The following ATP1A3 variants were observed in gnomAD, a reference collection of about 807,000 sequenced individuals.
ATP1A3 encodes the protein ATPase Na+/K+ transporting subunit alpha 3.
ATP1A3 carries 12 observed loss-of-function variants against 108.8 expected under a neutral mutation model. The observed-to-expected ratio is 0.11, with a 90% CI of 0.07 to 0.18. The LOEUF (loss-of-function observed/expected upper bound fraction) is 0.18, where lower values mean the gene tolerates loss of function less well. Among genes scored for constraint, ATP1A3 ranks in the 10% least tolerant of loss-of-function variants. ATP1A3 has a pLI of 1.00. For missense variants in ATP1A3, 498 were observed against 1,387.7 expected, an observed-to-expected ratio of 0.36 and a Z score of 10.19; for synonymous variants, 539 against 564.5, an observed-to-expected ratio of 0.95 and a Z score of 0.64.
Position 41,981,815 on chromosome 19 carries a change from C to T in ATP1A3, c.1209G>A (p.Lys403=). The change falls in exon 10 of 23, where the codon AAG becomes AAA. Residue 403 remains lysine, a synonymous_variant. Coordinates refer to ENST00000648268, the MANE Select transcript of ATP1A3 (RefSeq NM_152296.5). The surrounding 1 kb of genome is among the most constrained non-coding windows in gnomAD (Gnocchi z 5.0). ...ACAGGGCCACCCAGGTGTGCGAACT[C>T]TTGTCAAATGAGGTCCCTGGGGGAG... ...TEDQSGTSFD[K]SSHTWVALSH... 6.2e-7 allele frequency: 1 copy of T among 1,614,222 alleles called. No individual in the cohort carries two copies.
At chr19:41,989,781 C>T (rs1555866719) in intron 1 of ATP1A3, among the ~76,000 whole-genome samples, 1 of 152,044 alleles carries the variant, frequency 6.6e-6, no homozygotes, top group African/African-American at 2.4e-5. Flanking sequence ...CTCTGTATCT[C>T]TGTCTTTGCA....
chr19:41,982,129 C>T, intron 8 of ATP1A3, 23 bp from the exon 9 acceptor site: 11 of 1,613,904 alleles, frequency 6.8e-6, no homozygotes, highest in Non-Finnish European at 9.3e-6. Flanking sequence ...CAAGGGCAGG[C>T]AAGTTACAGG....
At chr19:41,971,976 G>A (rs1555860017) in intron 16 of ATP1A3, among the ~76,000 whole-genome samples, 1 of 152,142 alleles carries the variant, frequency 6.6e-6, no homozygotes, top group Admixed American at 6.6e-5. Context: ...CAGGCCAGGC[G>A]CTGGGGCTCA....
Position 41,978,432 on chromosome 19 carries a change from CG to C in ATP1A3, c.1631-107del. The C allele has an allele frequency of 1.4e-6, 2 of 1,480,382 alleles. No individual in the cohort carries two copies. The highest frequency in any genetic ancestry group is 1.8e-6 in the Non-Finnish European group (2 of 1,090,754). The allele number at this position is 1,480,382 out of a possible 1,614,324, so 91.7% of individuals were successfully genotyped here. A position where few individuals can be genotyped will look rare whatever the true frequency, so the allele number is the denominator to read the frequency against. On this transcript the variant is annotated intron_variant, in intron 12 of 22. Coordinates refer to ENST00000648268, the MANE Select transcript of ATP1A3 (RefSeq NM_152296.5). The surrounding 1 kb of genome is among the most constrained non-coding windows in gnomAD (Gnocchi z 8.3). ...GCATTCCATCTCCCCATCAGCAAGACGGCCAGTCAGCATTCATTTCCTAGGA... is the reference window on the plus strand; with the variant it reads ...GCATTCCATCTCCCCATCAGCAAGACGCCAGTCAGCATTCATTTCCTAGGA...
At position 41,993,989 on chromosome 19, in the gene ATP1A3, T is replaced by C; in HGVS notation, c.6+82A>G. The C allele has an allele frequency of 1.9e-6, 3 of 1,584,332 alleles. No individual in the cohort carries two copies. In the Admixed American group the frequency reaches 5.3e-5, roughly 28 times the overall value. On this transcript the variant is annotated intron_variant, in intron 1 of 22. Coordinates refer to ENST00000648268, the MANE Select transcript of ATP1A3 (RefSeq NM_152296.5). ...TGGCCCCGGAGCGCAGGGGTCCCGG[T>C]GCCCCCGCCCCCCGCGCACACCCAA... is the stretch of plus-strand genomic sequence containing the variant.
intron 14 of ATP1A3, 121 bp downstream of exon 14, chr19:41,977,815 C>T: frequency 6.9e-7 from 1 of 1,451,508 alleles, no homozygotes; most frequent in Non-Finnish European, 9.3e-7. Context: ...AGGGCCTGGT[C>T]CATGGAGGAG....
intron 16 of ATP1A3, among the ~76,000 whole-genome samples, chr19:41,972,821 G>GGAAGGAAA (rs2075124848): frequency 7.7e-6 from 1 of 130,090 alleles, no homozygotes; most frequent in Non-Finnish European, 1.6e-5. Flanking sequence ...AAGGAAGGAA[G>GGAAGGAAA]GAAGGAAGGA....
At chr19:41,976,307 G>C in intron 15 of ATP1A3, 109 bp downstream of exon 15, 1 of 1,478,388 alleles carries the variant, frequency 6.8e-7, no homozygotes, top group Non-Finnish European at 9.3e-7. Context: ...AGACCCAGGG[G>C]TCCAGACCCC....
At chr19:41,993,927 T>C (rs2075363730) in intron 1 of ATP1A3, 144 bp downstream of exon 1, 3 of 1,462,614 alleles carry the variant, frequency 2.1e-6, no homozygotes, top group Non-Finnish European at 2.8e-6. Flanking sequence ...ACCACATGGA[T>C]TGGCTGGGTC....
Position 41,994,220 on chromosome 19 carries a change from G to A in ATP1A3, c.-144C>T. On this transcript the variant is annotated 5_prime_UTR_variant, in exon 1 of 23. Coordinates refer to ENST00000648268, the MANE Select transcript of ATP1A3 (RefSeq NM_152296.5). ...CGTCCGTCCGTCCGTTGGTCCCACC[G>A]CACAGAGGCTGCGGCGGCCGCCGCC... The A allele has an allele frequency of 1.3e-6, 1 of 742,890 alleles. No individual in the cohort carries two copies. Among genetic ancestry groups the A allele is most frequent in the Non-Finnish European group, 2.0e-6 (1 of 506,008 alleles). The allele number at this position is 742,890 out of a possible 1,614,324, so 46.0% of individuals were successfully genotyped here. A position where few individuals can be genotyped will look rare whatever the true frequency, so the allele number is the denominator to read the frequency against.
chr19:41,970,102 G>C (rs2075086630), intron 18 of ATP1A3, 83 bp downstream of exon 18: 4 of 1,610,732 alleles, frequency 2.5e-6, no homozygotes, highest in Non-Finnish European at 3.4e-6. Flanking sequence ...GTCAATGCCA[G>C]GGTCCCAAGC....
Position 41,978,588 on chromosome 19 carries a change from C to A in ATP1A3, c.1630+18G>T, listed in dbSNP as rs781999976. ...CTTGCCCTCCAGGGACCCCAGAGCC[C>A]GCCCGGCAGCCTCGCACCAAGCACG... On this transcript the variant is annotated intron_variant, in intron 12 of 22. Transcript: ENST00000648268. This position sits in a 1 kb window ranked among gnomAD's most constrained non-coding sequence, Gnocchi z 8.3. 4 of 1,611,736 alleles carry A rather than the reference C, an allele frequency of 2.5e-6. No homozygotes were observed. The highest frequency in any genetic ancestry group is 1.1e-5 in the South Asian group (1 of 91,046).
At chr19:41,972,804 G>GGGAAGGAAGGAAGGAAGGAAGGAA (rs782125486) in intron 16 of ATP1A3, among the ~76,000 whole-genome samples, 6 of 74,872 alleles carry the variant, frequency 8.0e-5, no homozygotes, top group Non-Finnish European at 1.6e-4. Flanking sequence ...AGGAAGGAAG[G>GGGAAGGAAGGAAGGAAGGAAGGAA]GGAAGGAAGG....
rs782204932 is a variant in ATP1A3 at position 41,967,251 on chromosome 19, C to G, written c.3011G>C (p.Gly1004Ala). The change falls in exon 22 of 23, where the codon GGG (glycine) becomes GCG (alanine). Residue 1004 changes from glycine (G) to alanine (A), a missense_variant and splice_region_variant. Around this residue, in one of 9 missense-constraint regions of ATP1A3, gnomAD observed 29 missense variants for 41.0 expected, o/e 0.71. Coordinates refer to ENST00000648268, the MANE Select transcript of ATP1A3 (RefSeq NM_152296.5). The surrounding 1 kb of genome is among the most constrained non-coding windows in gnomAD (Gnocchi z 4.2). Reference protein sequence around the residue: ...IRKLILRRNPGGWVEKETYY With the variant: ...IRKLILRRNPAGWVEKETYY Reference sequence around the variant, plus strand: ...GCTGCCTTGCCGAGCTCCCTCACCCCCTGGGTTCCTGCGCAGGATGAGTTT... The same window carrying G: ...GCTGCCTTGCCGAGCTCCCTCACCCGCTGGGTTCCTGCGCAGGATGAGTTT... The G allele has an allele frequency of 1.1e-5, 18 of 1,614,068 alleles. No homozygotes were observed. The Admixed American group carries it at 2.2e-4, about 19-fold the overall frequency.
chr19:41,980,424 G>A (rs2075218376), intron 11 of ATP1A3, among the ~76,000 whole-genome samples: 1 of 151,688 alleles, frequency 6.6e-6, no homozygotes, highest in Non-Finnish European at 1.5e-5. Flanking sequence ...GACCAGCCTG[G>A]CCAACATGAT....
chr19:41,992,353 G>T (rs1394574572), intron 1 of ATP1A3, among the ~76,000 whole-genome samples: 1 of 152,128 alleles, frequency 6.6e-6, no homozygotes, highest in African/African-American at 2.4e-5. Flanking sequence ...CTGCGGGGTG[G>T]GAGCACCTCC....
At chr19:41,969,355 G>A (rs2075077192) in intron 19 of ATP1A3, 80 bp downstream of exon 19, 1 of 1,600,550 alleles carries the variant, frequency 6.2e-7, no homozygotes, top group African/African-American at 1.3e-5. Flanking sequence ...GGCCATCGTA[G>A]GAAGTGGCCA....
chr19:41,977,297 T>C (rs2075181880), intron 14 of ATP1A3, among the ~76,000 whole-genome samples: 1 of 152,084 alleles, frequency 6.6e-6, no homozygotes. Flanking sequence ...TCCTCTGAGA[T>C]AGGAATTATT....
chr19:41,977,894 C>T (rs782372419), intron 14 of ATP1A3, 42 bp downstream of exon 14: 3 of 1,611,552 alleles, frequency 1.9e-6, no homozygotes, highest in Non-Finnish European at 2.5e-6. Flanking sequence ...TGTCAACACC[C>T]TAGAGGGATG....
Sources: allele counts gnomAD v4.1 joint callset (sites outside exome capture counted in the v4.1 genomes callset), GRCh38; gene constraint gnomAD v4.1.1; regional missense constraint gnomAD v4.1.1; non-coding constraint Gnocchi (gnomAD v3.1); transcripts MANE v1.5; gene names NCBI Gene and HGNC (gene_info 2026-07-23, HGNC 2026-07-21).